ANKRD30A: variants seen among roughly 807,000 people sequenced by gnomAD.
The protein encoded by ANKRD30A is ankyrin repeat domain-containing protein 30A.
ANKRD30A carries 170 observed loss-of-function variants against 166.3 expected under a neutral mutation model. That is an observed-to-expected ratio of 1.02 (90% CI 0.90 to 1.16). ANKRD30A has a LOEUF of 1.16. ANKRD30A is among the 50% of genes most tolerant of loss of function. The pLI is 0.00. For synonymous variants in ANKRD30A, 564 were observed against 508.9 expected, an observed-to-expected ratio of 1.11 and a Z score of -1.46; for missense variants, 1,630 against 1,518.0, an observed-to-expected ratio of 1.07 and a Z score of -1.23.
intron 24 of ANKRD30A, among the ~76,000 whole-genome samples, chr10:37,178,977 T>A (rs1379465434): frequency 6.7e-6 from 1 of 148,490 alleles, no homozygotes; most frequent in Non-Finnish European, 1.5e-5. Flanking sequence ...TAAACCTCAG[T>A]GACTCATTAA....
chr10:37,127,701 T>C (rs1448146364), intron 1 of ANKRD30A, among the ~76,000 whole-genome samples: 1 of 152,122 alleles, frequency 6.6e-6, no homozygotes, highest in Non-Finnish European at 1.5e-5. Context: ...TAATATTTAG[T>C]GTTCCTGGTT....
intron 18 of ANKRD30A, among the ~76,000 whole-genome samples, chr10:37,166,118 A>C (rs538473996): frequency 6.6e-6 from 1 of 152,270 alleles, no homozygotes; most frequent in African/African-American, 2.4e-5. Flanking sequence ...TTCTGTACAT[A>C]CATTCTATGA....
At position 37,190,621 on chromosome 10, in the gene ANKRD30A, G is replaced by A. The variant is rs1413576547; in HGVS notation, c.2512+1064G>A. On this transcript the variant is annotated intron_variant, in intron 25 of 35. Transcript: ENST00000361713. ...GTGAGGCAGGAAGCAGGGGACAAGAGAGAATCCAGCTAGATGATTTTGGAT... is the reference window on the plus strand; with the variant it reads ...GTGAGGCAGGAAGCAGGGGACAAGAAAGAATCCAGCTAGATGATTTTGGAT... Among the ~76,000 whole-genome samples the A allele has an allele frequency of 1.3e-5, 2 of 151,728 alleles. 1 individual carries two copies. Among genetic ancestry groups the A allele is most frequent in the African/African-American group, 4.9e-5 (2 of 41,150 alleles).
rs1335301315 is a variant in ANKRD30A, at chr10:37,197,389, T to A, written c.2644-19T>A. On this transcript the variant is annotated intron_variant, in intron 28 of 35. Coordinates refer to ENST00000361713, the MANE Select transcript of ANKRD30A (RefSeq NM_052997.3). ...AGTATACATTCTTTATTAATCATTT[T>A]GCTTCCAACCCCATTTAGCCTGCCA... is the stretch of plus-strand genomic sequence containing the variant. The A allele has an allele frequency of 6.2e-7, 1 of 1,612,660 alleles. No individual in the cohort carries two copies.
the ANKRD30A span, among the ~76,000 whole-genome samples, chr10:37,257,498 C>T: frequency 1.3e-5 from 2 of 151,944 alleles, no homozygotes; most frequent in Admixed American, 6.6e-5. Flanking sequence ...GTTAGGGGGT[C>T]GATTTTAGAT....
chr10:37,190,521 T>A (rs1023618507), intron 25 of ANKRD30A, among the ~76,000 whole-genome samples: 4 of 151,558 alleles, frequency 2.6e-5, no homozygotes, highest in African/African-American at 9.7e-5. Flanking sequence ...TTGGAAAAAA[T>A]AATGTTAACA....
chr10:37,237,850 TTGTACCAGGTACTGTA>T, the ANKRD30A span, among the ~76,000 whole-genome samples: 6 of 152,204 alleles, frequency 3.9e-5, no homozygotes, highest in Non-Finnish European at 4.4e-5. Flanking sequence ...CTTCCATAAT[TTGTACCAGGTACTGTA>T]TGTGGTCTCT....
chr10:37,144,849 G>A (rs1837387164), intron 7 of ANKRD30A, 146 bp from the exon 8 acceptor site: 2 of 502,120 alleles, frequency 4.0e-6, no homozygotes, highest in East Asian at 7.1e-5. Context: ...TTTGACTATA[G>A]AAGTGGTTGT....
downstream of ANKRD30A, among the ~76,000 whole-genome samples, chr10:37,237,539 G>A (rs1347648529): frequency 6.6e-6 from 1 of 151,948 alleles, no homozygotes; most frequent in Non-Finnish European, 1.5e-5. Context: ...CGAGAGCCTT[G>A]CTAATTTCCT....
the ANKRD30A span, among the ~76,000 whole-genome samples, chr10:37,263,679 A>T: frequency 3.3e-5 from 5 of 152,192 alleles, no homozygotes; most frequent in Admixed American, 3.3e-4. Context: ...AGTGATAGGG[A>T]ATGGCTGTAA....
chr10:37,256,977 C>T, the ANKRD30A span, among the ~76,000 whole-genome samples: 1 of 151,888 alleles, frequency 6.6e-6, no homozygotes, highest in Non-Finnish European at 1.5e-5. Flanking sequence ...GTACCAGCTC[C>T]TCTTTATACC....
At chr10:37,171,120 A>G (rs1839532290) in intron 21 of ANKRD30A, among the ~76,000 whole-genome samples, 2 of 87,912 alleles carry the variant, frequency 2.3e-5, no homozygotes, top group African/African-American at 9.8e-5. Flanking sequence ...TGAAATTTTC[A>G]ATAAATAGTT....
Position 37,137,951 on chromosome 10 carries a change from C to T in ANKRD30A, c.820+1280C>T, listed in dbSNP as rs1030111433. On this transcript the variant is annotated intron_variant, in intron 6 of 35. Coordinates refer to ENST00000361713, the MANE Select transcript of ANKRD30A (RefSeq NM_052997.3). ...CCTCCTCAAGTGGGTCCCAGACCCT[C>T]GAGTAGCCTAACTGGGAGGCACCCC... Among the ~76,000 whole-genome samples, 6 of 152,164 alleles carry T rather than the reference C, an allele frequency of 3.9e-5. No individual in the cohort carries two copies. The East Asian group carries it at 5.8e-4, about 15-fold the overall frequency.
At chr10:37,165,050 A>G (rs924205215) in intron 17 of ANKRD30A, 44 bp from the exon 18 acceptor site, 5 of 1,565,054 alleles carry the variant, frequency 3.2e-6, no homozygotes, top group South Asian at 2.2e-5. Context: ...AATTTTTAGT[A>G]GAGAACTGTG....
intron 24 of ANKRD30A, among the ~76,000 whole-genome samples, chr10:37,183,225 AC>A: frequency 6.7e-6 from 1 of 148,642 alleles, no homozygotes; most frequent in Admixed American, 6.8e-5. Flanking sequence ...TACAACTGTT[AC>A]TCATTAACCA....
intron 31 of ANKRD30A, among the ~76,000 whole-genome samples, chr10:37,213,561 T>C (rs1245179940): frequency 2.0e-5 from 3 of 150,746 alleles, no homozygotes; most frequent in African/African-American, 4.8e-5. Flanking sequence ...TTCTTCTTTT[T>C]TTTTTTTTTT....
the ANKRD30A span, among the ~76,000 whole-genome samples, chr10:37,261,155 G>C: frequency 6.6e-6 from 1 of 152,122 alleles, no homozygotes; most frequent in African/African-American, 2.4e-5. Flanking sequence ...AGGCTTCTCC[G>C]TGCAGGTTTA....
chr10:37,152,673 TG>T (rs977186802), intron 12 of ANKRD30A, among the ~76,000 whole-genome samples: 4 of 152,096 alleles, frequency 2.6e-5, no homozygotes, highest in African/African-American at 9.7e-5. Flanking sequence ...ACAAGAGTAT[TG>T]GTTGAGTAGT....
chr10:37,234,986 A>G (rs1843611039), downstream of ANKRD30A, among the ~76,000 whole-genome samples: 1 of 152,152 alleles, frequency 6.6e-6, no homozygotes, highest in African/African-American at 2.4e-5. Context: ...CCCAAACAAA[A>G]TAGTCCTGTT....
Sources: allele counts gnomAD v4.1 joint callset (sites outside exome capture counted in the v4.1 genomes callset), GRCh38; gene constraint gnomAD v4.1.1; transcripts MANE v1.5; gene names NCBI Gene and HGNC (gene_info 2026-07-23, HGNC 2026-07-21).